ASTN1: variants seen among roughly 807,000 people sequenced by gnomAD.
ASTN1 encodes the protein astrotactin 1.
In ASTN1, 41 loss-of-function variants were observed where a neutral mutation model predicts 140.7. The ratio of observed to expected loss-of-function variants is 0.29; its 90% CI spans 0.23 to 0.38. The LOEUF is 0.38. Ranked by LOEUF, ASTN1 falls within the 10% of genes least tolerant of loss-of-function variation. The pLI is 1.00. For missense variants in ASTN1, 1,479 were observed against 1,678.8 expected, an observed-to-expected ratio of 0.88 and a Z score of 2.08; for synonymous variants, 640 against 652.2, an observed-to-expected ratio of 0.98 and a Z score of 0.29.
intron 1 of ASTN1, among the ~76,000 whole-genome samples, chr1:177,089,720 C>G (rs947345441): frequency 6.6e-6 from 1 of 152,104 alleles, no homozygotes; most frequent in Non-Finnish European, 1.5e-5. Flanking sequence ...CGTCACCCTC[C>G]CTTAAGTACT....
intron 2 of ASTN1, among the ~76,000 whole-genome samples, chr1:177,047,678 G>T (rs1227309680): frequency 6.6e-6 from 1 of 152,126 alleles, no homozygotes; most frequent in Non-Finnish European, 1.5e-5. Context: ...GTAGTAGAGA[G>T]GGAAAGAAGA....
intron 1 of ASTN1, among the ~76,000 whole-genome samples, chr1:177,104,136 C>T (rs568637373): frequency 6.6e-6 from 1 of 152,194 alleles, no homozygotes; most frequent in Non-Finnish European, 1.5e-5. Context: ...TCCTAACAAG[C>T]AGAGCATGGC....
chr1:176,987,815 T>C (rs1464411650), intron 8 of ASTN1, among the ~76,000 whole-genome samples: 1 of 152,194 alleles, frequency 6.6e-6, no homozygotes, highest in Non-Finnish European at 1.5e-5. Context: ...TGGATTGTCC[T>C]AGAGTAAGAA....
At chr1:177,033,206 A>C (rs1676539128) in intron 2 of ASTN1, among the ~76,000 whole-genome samples, 1 of 150,164 alleles carries the variant, frequency 6.7e-6, no homozygotes, top group Admixed American at 6.7e-5. Flanking sequence ...TATTAAGTTA[A>C]ATCTGCCACA....
intron 8 of ASTN1, among the ~76,000 whole-genome samples, chr1:176,979,013 A>C (rs767556339): frequency 1.2e-4 from 18 of 152,154 alleles, no homozygotes; most frequent in Non-Finnish European, 2.1e-4. Flanking sequence ...ACAGAAGCAA[A>C]ACTGATGGGG....
At chr1:177,057,427 T>C (rs902493281) in intron 2 of ASTN1, among the ~76,000 whole-genome samples, 3 of 152,178 alleles carry the variant, frequency 2.0e-5, no homozygotes, top group African/African-American at 4.8e-5. Context: ...CAAAACATAA[T>C]ATATGCAAAA....
chr1:177,094,682 G>T (rs924235323), intron 1 of ASTN1, among the ~76,000 whole-genome samples: 4 of 152,170 alleles, frequency 2.6e-5, no homozygotes. Context: ...CAGAAAATTG[G>T]TACTGAGAAG....
chr1:176,945,844 T>C (rs1309995348), intron 13 of ASTN1, 82 bp downstream of exon 13: 1 of 1,382,020 alleles, frequency 7.2e-7, no homozygotes. Flanking sequence ...CTCCAACATA[T>C]AAAGCTTTAT....
At chr1:176,864,775 G>T (rs1668076186) in intron 22 of ASTN1, among the ~76,000 whole-genome samples, 1 of 152,170 alleles carries the variant, frequency 6.6e-6, no homozygotes, top group Non-Finnish European at 1.5e-5. Flanking sequence ...CAGACAAAAT[G>T]CATAATATTT....
chr1:176,998,132 T>A (rs1674543094), intron 8 of ASTN1, among the ~76,000 whole-genome samples: 1 of 152,142 alleles, frequency 6.6e-6, no homozygotes, highest in South Asian at 2.1e-4. Context: ...GGAGCCAGAC[T>A]ATTAGGGTCA....
intron 19 of ASTN1, among the ~76,000 whole-genome samples, chr1:176,883,830 T>A (rs928471843): frequency 1.3e-5 from 2 of 148,652 alleles, no homozygotes; most frequent in Admixed American, 6.9e-5. Flanking sequence ...GGTGTTTCCA[T>A]TTTGTTAAGG....
At chr1:177,045,848 G>A (rs192245282) in intron 2 of ASTN1, among the ~76,000 whole-genome samples, 12 of 152,268 alleles carry the variant, frequency 7.9e-5, no homozygotes, top group Admixed American at 5.9e-4. Flanking sequence ...GTCAAAACTT[G>A]TAATCACATT....
chr1:177,025,709 C>T (rs905758470), intron 5 of ASTN1, among the ~76,000 whole-genome samples: 22 of 152,086 alleles, frequency 1.4e-4, no homozygotes, highest in African/African-American at 5.3e-4. Flanking sequence ...TTAATATTTG[C>T]TTTCTTACAA....
chr1:177,056,289 T>C (rs1483458262), intron 2 of ASTN1, among the ~76,000 whole-genome samples: 2 of 152,122 alleles, frequency 1.3e-5, no homozygotes, highest in African/African-American at 4.8e-5. Context: ...ACCTGCCTCT[T>C]TTGTCTCCAA....
chr1:176,964,357 C>T, intron 9 of ASTN1, among the ~76,000 whole-genome samples: 1 of 152,132 alleles, frequency 6.6e-6, no homozygotes, highest in East Asian at 1.9e-4. Context: ...CAAGGAGGGA[C>T]ATGTATTCAC....
chr1:176,984,364 A>G (rs755065997), intron 8 of ASTN1, among the ~76,000 whole-genome samples: 13 of 152,172 alleles, frequency 8.5e-5, no homozygotes, highest in Non-Finnish European at 1.8e-4. Context: ...GGGAAAAAGG[A>G]AGTGGAAGGA....
chr1:177,038,421 G>T (rs924578999), intron 2 of ASTN1, among the ~76,000 whole-genome samples: 1 of 151,976 alleles, frequency 6.6e-6, no homozygotes, highest in African/African-American at 2.4e-5. Flanking sequence ...TAAAGCAGAT[G>T]GTCAATAATT....
At chr1:177,138,849 G>A (rs973173501) in intron 1 of ASTN1, among the ~76,000 whole-genome samples, 1 of 152,178 alleles carries the variant, frequency 6.6e-6, no homozygotes, top group South Asian at 2.1e-4. Context: ...ATGATTTCCT[G>A]CTTTCTTGTG....
intron 2 of ASTN1, among the ~76,000 whole-genome samples, chr1:177,050,752 C>T (rs1276838834): frequency 1.3e-5 from 2 of 152,118 alleles, no homozygotes; most frequent in African/African-American, 4.8e-5. Flanking sequence ...CCAAGAGCTA[C>T]CATAAACTCT....
Sources: gnomAD v4.1 joint callset for allele counts (sites outside exome capture counted in the v4.1 genomes callset) on GRCh38, gnomAD v4.1.1 for gene constraint, MANE v1.5 for transcripts, NCBI Gene and HGNC (gene_info 2026-07-23, HGNC 2026-07-21) for gene names.